The following NRG3 variants were observed in gnomAD, a reference collection of about 807,000 sequenced individuals.
NRG3 encodes the protein pro-neuregulin-3, membrane-bound isoform.
NRG3 carries 31 observed loss-of-function variants against 66.9 expected under a neutral mutation model. The ratio of observed to expected loss-of-function variants is 0.46; its 90% CI spans 0.35 to 0.63. The LOEUF (loss-of-function observed/expected upper bound fraction) is 0.63. NRG3 is among the 20% of genes least tolerant of loss of function. The pLI is 0.00. For missense variants in NRG3, 910 were observed against 878.9 expected, an observed-to-expected ratio of 1.04 and a Z score of -0.45; for synonymous variants, 393 against 359.4, an observed-to-expected ratio of 1.09 and a Z score of -1.06.
intron 1 of NRG3, among the ~76,000 whole-genome samples, chr10:82,171,634 G>A (rs1479003252): frequency 3.3e-5 from 5 of 152,060 alleles, no homozygotes. Flanking sequence ...TTCCATGTAG[G>A]AGTAGTTCAG....
chr10:82,368,139 G>A lies in NRG3; in HGVS notation c.953+9271G>A, dbSNP rs1564845230. Among the ~76,000 whole-genome samples, 3 of 140,540 alleles carry A rather than the reference G, an allele frequency of 2.1e-5. 1 individual carries two copies. The East Asian group carries it at 6.3e-4, about 30-fold the overall frequency. The allele number at this position is 140,540 out of a possible 152,430, so 92.2% of individuals were successfully genotyped here. ...GGCTTGATATAGGTAAAGTTGAGAT[G>A]CCTGGTATTGAGTAAACACAGGGAA... is the stretch of plus-strand genomic sequence containing the variant. On this transcript the variant is annotated intron_variant, in intron 2 of 8. Coordinates refer to ENST00000372141, the MANE Select transcript of NRG3 (RefSeq NM_001010848.4).
At chr10:82,101,381 T>A (rs956125519) in intron 1 of NRG3, among the ~76,000 whole-genome samples, 5 of 151,908 alleles carry the variant, frequency 3.3e-5, no homozygotes, top group East Asian at 1.9e-4. Flanking sequence ...CTGCTTTCTT[T>A]AGGCCTAAAT....
chr10:82,671,745 A>G (rs375557043), intron 2 of NRG3, among the ~76,000 whole-genome samples: 3 of 152,218 alleles, frequency 2.0e-5, no homozygotes, highest in East Asian at 3.8e-4. Flanking sequence ...GAAACCACAC[A>G]CCTATTCAAA....
At chr10:82,969,930 A>G (rs1176533356) in intron 6 of NRG3, among the ~76,000 whole-genome samples, 1 of 152,246 alleles carries the variant, frequency 6.6e-6, no homozygotes, top group Non-Finnish European at 1.5e-5. Context: ...CAATCTATTT[A>G]TATCTATTAA....
chr10:82,627,789 A>G (rs1458586434), intron 2 of NRG3, among the ~76,000 whole-genome samples: 1 of 152,172 alleles, frequency 6.6e-6, no homozygotes, highest in African/African-American at 2.4e-5. Context: ...CTTCTAGGTT[A>G]TATAAAGGTA....
chr10:82,955,576 G>A (rs1045780706), intron 5 of NRG3, among the ~76,000 whole-genome samples: 1 of 151,868 alleles, frequency 6.6e-6, no homozygotes, highest in Admixed American at 6.6e-5. Flanking sequence ...GAGAGGATAT[G>A]TTTCAGGAGG....
At chr10:82,288,330 G>A (rs1352196688) in intron 1 of NRG3, among the ~76,000 whole-genome samples, 1 of 152,138 alleles carries the variant, frequency 6.6e-6, no homozygotes, top group Non-Finnish European at 1.5e-5. Context: ...AAGAAACTGA[G>A]GATTAGAGAG....
chr10:82,680,535 A>T (rs2054037204), intron 2 of NRG3, among the ~76,000 whole-genome samples: 1 of 152,186 alleles, frequency 6.6e-6, no homozygotes, highest in African/African-American at 2.4e-5. Context: ...TCAAACCATA[A>T]ATGTCTTACC....
At chr10:82,549,098 G>A (rs2044132408) in intron 2 of NRG3, among the ~76,000 whole-genome samples, 1 of 152,114 alleles carries the variant, frequency 6.6e-6, no homozygotes, top group Non-Finnish European at 1.5e-5. Context: ...AGTTGTAGAT[G>A]AGTACAACTT....
chr10:82,209,621 A>G (rs562841179), intron 1 of NRG3, among the ~76,000 whole-genome samples: 2 of 152,270 alleles, frequency 1.3e-5, no homozygotes, highest in African/African-American at 4.8e-5. Flanking sequence ...CCATATAATG[A>G]TGGGTAAGTA....
intron 1 of NRG3, among the ~76,000 whole-genome samples, chr10:82,055,272 C>T (rs559705668): frequency 6.6e-6 from 1 of 151,644 alleles, no homozygotes; most frequent in Non-Finnish European, 1.5e-5. Flanking sequence ...GTCAGGAGAT[C>T]GAGACAATCC....
At chr10:82,291,752 A>G (rs2134611072) in intron 1 of NRG3, among the ~76,000 whole-genome samples, 1 of 152,344 alleles carries the variant, frequency 6.6e-6, no homozygotes. Flanking sequence ...TCAGATATTC[A>G]TAAGGAAAAA....
chr10:82,332,375 C>T (rs982162849), intron 1 of NRG3, among the ~76,000 whole-genome samples: 7 of 152,228 alleles, frequency 4.6e-5, no homozygotes, highest in South Asian at 2.1e-4. Context: ...TAATGGGGAG[C>T]GGACAGTTTC....
intron 4 of NRG3, among the ~76,000 whole-genome samples, chr10:82,923,090 C>T (rs1464464218): frequency 1.3e-5 from 2 of 152,220 alleles, no homozygotes; most frequent in Non-Finnish European, 2.9e-5. Flanking sequence ...ATCCATTCTC[C>T]ACAGAACAAA....
chr10:82,479,272 G>T lies in NRG3; in HGVS notation c.953+120404G>T, dbSNP rs184797703. Among the ~76,000 whole-genome samples, 423 of 152,050 alleles carry T rather than the reference G, an allele frequency of 2.8e-3. 2 individuals are homozygous for T. Among genetic ancestry groups the T allele is most frequent in the Middle Eastern group, 6.8e-3 (2 of 294 alleles). On this transcript the variant is annotated intron_variant, in intron 2 of 8. Coordinates refer to ENST00000372141, the MANE Select transcript of NRG3 (RefSeq NM_001010848.4). ...GGAATAAAAATACCTTTAACTCAGG[G>T]TTATTATGAGGTTTGGTACATACGT...
chr10:82,667,902 G>A (rs990550969), intron 2 of NRG3, among the ~76,000 whole-genome samples: 21 of 152,158 alleles, frequency 1.4e-4, no homozygotes, highest in African/African-American at 5.1e-4. Context: ...GAAAATTTTA[G>A]ATGCAAAGCT....
At chr10:82,231,570 A>G (rs559909328) in intron 1 of NRG3, among the ~76,000 whole-genome samples, 3 of 152,328 alleles carry the variant, frequency 2.0e-5, no homozygotes, top group South Asian at 2.1e-4. Context: ...CGCATTATTT[A>G]TCAAATTTTA....
At chr10:82,037,093 G>A (rs931164701) in intron 1 of NRG3, among the ~76,000 whole-genome samples, 3 of 152,118 alleles carry the variant, frequency 2.0e-5, no homozygotes, top group African/African-American at 7.2e-5. Flanking sequence ...TCTGAGTCAG[G>A]CAGGGTATAT....
At chr10:82,602,691 G>C (rs2047710608) in intron 2 of NRG3, among the ~76,000 whole-genome samples, 1 of 152,152 alleles carries the variant, frequency 6.6e-6, no homozygotes, top group African/African-American at 2.4e-5. Context: ...CCCAAGCGCA[G>C]TTCCTGGACA....
Sources: allele counts gnomAD v4.1 joint callset (sites outside exome capture counted in the v4.1 genomes callset), GRCh38; gene constraint gnomAD v4.1.1; transcripts MANE v1.5; gene names NCBI Gene and HGNC (gene_info 2026-07-23, HGNC 2026-07-21).